The following PCDHGA8 variants were observed in gnomAD, a reference collection of about 807,000 sequenced individuals.
The protein encoded by PCDHGA8 is protocadherin gamma subfamily A, 8.
Under a neutral mutation model 59.2 loss-of-function variants are expected in PCDHGA8, and 45 were observed. That is an observed-to-expected ratio of 0.76 (90% CI 0.60 to 0.98). PCDHGA8 has a LOEUF of 0.98. Ranked by LOEUF, PCDHGA8 falls within the 50% of genes least tolerant of loss-of-function variation. PCDHGA8 has a pLI of 0.00. For missense variants in PCDHGA8, 1,257 were observed against 1,196.2 expected, an observed-to-expected ratio of 1.05 and a Z score of -0.75; for synonymous variants, 531 against 519.0, an observed-to-expected ratio of 1.02 and a Z score of -0.32.
chr5:141,450,179 A>G (rs1472867634), intron 1 of PCDHGA8, among the ~76,000 whole-genome samples: 1 of 151,100 alleles, frequency 6.6e-6, no homozygotes, highest in African/African-American at 2.4e-5. Flanking sequence ...CACCACACCC[A>G]GCTAATTTTT....
At position 141,398,516 on chromosome 5, in the gene PCDHGA8, C is replaced by G. The variant is rs779535322; in HGVS notation, c.2424+3279C>G. On this transcript the variant is annotated intron_variant, in intron 1 of 3. Coordinates refer to ENST00000398604, the MANE Select transcript of PCDHGA8 (RefSeq NM_032088.2). ...GAGATCGAGGACATTAATGACCACA[C>G]GCCAAAATTCACGCAAAATTCCTTT... is the stretch of plus-strand genomic sequence containing the variant. The G allele has an allele frequency of 4.4e-5, 70 of 1,598,584 alleles. No individual in the cohort carries two copies. The highest frequency in any genetic ancestry group is 4.3e-4 in the Admixed American group (25 of 58,660).
intron 1 of PCDHGA8, chr5:141,418,830 G>A (rs371820904): frequency 1.2e-6 from 2 of 1,613,976 alleles, no homozygotes; most frequent in Non-Finnish European, 1.7e-6. Flanking sequence ...GCAAAAGACC[G>A]AGGATCTCTC....
At chr5:141,505,306 T>C in intron 2 of PCDHGA8, 87 bp from the exon 3 acceptor site, 4 of 1,596,550 alleles carry the variant, frequency 2.5e-6, no homozygotes, top group Non-Finnish European at 3.4e-6. Context: ...GTTAGGGTAC[T>C]AGGTTTGGGA....
rs1372368815 is a variant in PCDHGA8 at position 141,491,370 on chromosome 5, C to T, written c.2425-3437C>T. 3 of 1,614,038 alleles carry T rather than the reference C, an allele frequency of 1.9e-6. No individual in the cohort carries two copies. The highest frequency in any genetic ancestry group is 2.2e-5 in the East Asian group (1 of 44,880). ...GTCTCTTATCCCTAGTCACCTTCAC[C>T]TTTCTGTCAGCGAAGTGCCTTCAGG... On this transcript the variant is annotated intron_variant, in intron 1 of 3. Transcript: ENST00000398604. The surrounding 1 kb of genome is among the most constrained non-coding windows in gnomAD (Gnocchi z 6.9).
chr5:141,416,585 A>T (rs2096043494), intron 1 of PCDHGA8: 2 of 152,244 alleles, frequency 1.3e-5, no homozygotes, highest in Non-Finnish European at 2.9e-5. Context: ...GAGGCAAAAT[A>T]AACTTAGAGT....
rs760319541 is a variant in PCDHGA8, at chr5:141,477,772, C to T, written c.2425-17035C>T. 1.2e-6 allele frequency: 2 copies of T among 1,614,026 alleles called. No homozygotes were observed. Among genetic ancestry groups the T allele is most frequent in the South Asian group, 1.1e-5 (1 of 91,088 alleles). ...CCCCGGTCCTAGCCACCAACATCAGCGTGAACATATTTGTCACTGATCGCA... is the reference window on the plus strand; with the variant it reads ...CCCCGGTCCTAGCCACCAACATCAGTGTGAACATATTTGTCACTGATCGCA... On this transcript the variant is annotated intron_variant, in intron 1 of 3. Coordinates refer to ENST00000398604, the MANE Select transcript of PCDHGA8 (RefSeq NM_032088.2). This position sits in a 1 kb window ranked among gnomAD's most constrained non-coding sequence, Gnocchi z 4.9.
chr5:141,409,879 A>C, intron 1 of PCDHGA8: 1 of 1,612,852 alleles, frequency 6.2e-7, no homozygotes. Context: ...ATGACAACGC[A>C]CCGCGGGTGC....
rs111458813 is a variant in PCDHGA8 at position 141,483,648 on chromosome 5, TTG to T, written c.2425-11139_2425-11138del. Among the ~76,000 whole-genome samples, 82 of 149,502 alleles carry T rather than the reference TTG, an allele frequency of 5.5e-4. 1 individual carries two copies. The highest frequency in any genetic ancestry group is 2.5e-3 in the Admixed American group (37 of 14,990). Reference sequence around the variant, plus strand: ...GGAGAAGGTATAGAGGGGTGTGTGTTTGTGTGTGTGTGTGTGTGTGTAAAAGA... The same window carrying T: ...GGAGAAGGTATAGAGGGGTGTGTGTTTGTGTGTGTGTGTGTGTGTAAAAGA... On this transcript the variant is annotated intron_variant, in intron 1 of 3. Transcript: ENST00000398604.
At chr5:141,403,172 C>T in intron 1 of PCDHGA8, 1 of 1,614,018 alleles carries the variant, frequency 6.2e-7, no homozygotes, top group Non-Finnish European at 8.5e-7. Context: ...TAGGACGCAG[C>T]TTTTCTCTCT....
intron 1 of PCDHGA8, chr5:141,478,287 G>A (rs777542913): frequency 3.7e-6 from 6 of 1,614,154 alleles, no homozygotes; most frequent in Non-Finnish European, 5.1e-6. Flanking sequence ...AAGCAGTCTA[G>A]AGACCTATAC....
At chr5:141,449,979 C>T (rs1382206842) in intron 1 of PCDHGA8, among the ~76,000 whole-genome samples, 1 of 148,862 alleles carries the variant, frequency 6.7e-6, no homozygotes, top group Non-Finnish European at 1.5e-5. Context: ...TCCAAAATAT[C>T]ACACATTGCA....
intron 1 of PCDHGA8, chr5:141,422,116 T>G (rs753281558): frequency 1.2e-6 from 2 of 1,604,612 alleles, no homozygotes; most frequent in African/African-American, 1.3e-5. Flanking sequence ...CCAATTGGAT[T>G]CACAAACTGG....
chr5:141,506,444 CAAAAAA>C (rs1219684339), intron 3 of PCDHGA8, among the ~76,000 whole-genome samples: 1 of 95,026 alleles, frequency 1.1e-5, no homozygotes, highest in African/African-American at 4.0e-5. Flanking sequence ...CGCTCTGTCT[CAAAAAA>C]AAAAAAAAAA....
chr5:141,456,098 C>A (rs1222639126), intron 1 of PCDHGA8, among the ~76,000 whole-genome samples: 1 of 151,980 alleles, frequency 6.6e-6, no homozygotes. Context: ...GGGATTTCAC[C>A]GTGTTAGCCA....
chr5:141,468,330 CAA>C lies in PCDHGA8; in HGVS notation c.2425-26459_2425-26458del, dbSNP rs533390277. 202 of 79,822 alleles carry C rather than the reference CAA, an allele frequency of 2.5e-3. 2 individuals are homozygous for C. The highest frequency in any genetic ancestry group is 7.9e-3 in the Middle Eastern group (1 of 126). The allele number at this position is 79,822 out of a possible 1,614,324, so 4.9% of individuals were successfully genotyped here. Reference sequence around the variant, plus strand: ...ACAAGAGCAACGGTAAACTCCATCTCAAAAAAAAAAAAAAAAAAAGAAAGAAA... The same window carrying C: ...ACAAGAGCAACGGTAAACTCCATCTCAAAAAAAAAAAAAAAAAGAAAGAAA... On this transcript the variant is annotated intron_variant, in intron 1 of 3. Transcript: ENST00000398604.
At chr5:141,417,213 G>A (rs1470553702) in intron 1 of PCDHGA8, 2 of 152,108 alleles carry the variant, frequency 1.3e-5, no homozygotes, top group African/African-American at 4.8e-5. Context: ...GGCTAGAATT[G>A]AAGACAAAAA....
chr5:141,409,445 A>G, intron 1 of PCDHGA8: 1 of 1,613,988 alleles, frequency 6.2e-7, no homozygotes, highest in Non-Finnish European at 8.5e-7. Context: ...CCGAGAGCAG[A>G]CACCAGAATA....
chr5:141,481,151 G>A (rs1326614212), intron 1 of PCDHGA8, among the ~76,000 whole-genome samples: 1 of 152,198 alleles, frequency 6.6e-6, no homozygotes, highest in African/African-American at 2.4e-5. Context: ...TGTTATTCTG[G>A]TATTTGCAGA....
At chr5:141,398,228 G>A (rs2150736860) in intron 1 of PCDHGA8, 1 of 1,475,144 alleles carries the variant, frequency 6.8e-7, no homozygotes, top group East Asian at 2.5e-5. Flanking sequence ...GAGCAGATCC[G>A]CTACAGGATT....
Sources: allele counts gnomAD v4.1 joint callset (sites outside exome capture counted in the v4.1 genomes callset), GRCh38; gene constraint gnomAD v4.1.1; non-coding constraint Gnocchi (gnomAD v3.1); transcripts MANE v1.5; gene names NCBI Gene and HGNC (gene_info 2026-07-23, HGNC 2026-07-21).